Variants in TMEM53 observed in about 807,000 individuals in gnomAD.
TMEM53 encodes the protein novel DUF829 domain-containing protein.
A neutral mutation model predicts 21.4 loss-of-function variants in TMEM53; 14 were observed. The observed-to-expected ratio is 0.65, with a 90% CI of 0.43 to 1.02. The LOEUF is 1.02. Ranked by LOEUF, TMEM53 falls within the 50% of genes least tolerant of loss-of-function variation. TMEM53 has a pLI of 0.00. For missense variants in TMEM53, 323 were observed against 383.6 expected, an observed-to-expected ratio of 0.84 and a Z score of 1.32; for synonymous variants, 148 against 157.4, an observed-to-expected ratio of 0.94 and a Z score of 0.45.
Position 44,654,851 on chromosome 1 carries a change from A to G in TMEM53, c.542T>C (p.Val181Ala), listed in dbSNP as rs1306013607. 1.2e-6 allele frequency: 2 copies of G among 1,612,906 alleles called. No homozygotes were observed. Among genetic ancestry groups the G allele is most frequent in the Admixed American group, 3.3e-5 (2 of 60,006 alleles). Residue 181 changes from valine (V) to alanine (A), a missense_variant, in exon 3 of 3, where the codon GTC becomes GCC. Physicochemically the swap from Val to Ala is moderately conservative, Grantham distance 64 (BLOSUM62 0). This residue lies in a region of TMEM53 where 269 missense variants were observed against 334.5 expected (regional missense o/e 0.80). Transcript: ENST00000372237. The surrounding 1 kb of genome is among the most constrained non-coding windows in gnomAD (Gnocchi z 7.0). ...AGCAAGCAGGACGTGGAACAGGACG[A>G]CCACCAGGGCAAAGGCCACCAGCAG... The part of the protein sequence containing the change: ...LLLLVAFALV[V>A]VLFHVLLAPI...
At chr1:44,669,700 C>G (rs1314765344) in intron 1 of TMEM53, among the ~76,000 whole-genome samples, 1 of 151,876 alleles carries the variant, frequency 6.6e-6, no homozygotes, top group Non-Finnish European at 1.5e-5. Context: ...CACAGACATT[C>G]AGAGAAAAGG....
rs1573214349 is a variant in TMEM53 at position 44,654,357 on chromosome 1, G to C, written c.*202C>G. Reference sequence around the variant, plus strand: ...CACAGACACATGCCCAGGCACTCCTGCCCCTTAGGATTCTGTGGTAAGCAG... The same window carrying C: ...CACAGACACATGCCCAGGCACTCCTCCCCCTTAGGATTCTGTGGTAAGCAG... On this transcript the variant is annotated 3_prime_UTR_variant, in exon 3 of 3. Coordinates refer to ENST00000372237, the MANE Select transcript of TMEM53 (RefSeq NM_024587.4). This position sits in a 1 kb window ranked among gnomAD's most constrained non-coding sequence, Gnocchi z 7.0. 24 of 603,444 alleles carry C rather than the reference G, an allele frequency of 4.0e-5. No homozygotes were observed. In the East Asian group the frequency reaches 6.5e-4, roughly 16 times the overall value. The allele number at this position is 603,444 out of a possible 1,614,324, so 37.4% of individuals were successfully genotyped here.
chr1:44,657,230 A>C (rs894352581), intron 2 of TMEM53, among the ~76,000 whole-genome samples: 1 of 152,110 alleles, frequency 6.6e-6, no homozygotes, highest in Non-Finnish European at 1.5e-5. Context: ...TCTGGATTTA[A>C]AAGAGCCTTA....
At chr1:44,666,391 A>G (rs1052369569) in intron 1 of TMEM53, among the ~76,000 whole-genome samples, 1 of 152,210 alleles carries the variant, frequency 6.6e-6, no homozygotes, top group Non-Finnish European at 1.5e-5. Context: ...CATCCAGGAG[A>G]GCTAAAAATA....
chr1:44,674,129 C>T lies in TMEM53; in HGVS notation c.61+202G>A, dbSNP rs1299508023. On this transcript the variant is annotated intron_variant, in intron 1 of 2. Transcript: ENST00000372237. ...AGCTGACTCGGGCAGAGGCGGGGCT[C>T]GCCAGGGAGGAACACTCTGGGGCGG... The T allele has an allele frequency of 9.1e-6, 9 of 985,198 alleles. No homozygotes were observed. In the South Asian group the frequency reaches 2.3e-4, roughly 26 times the overall value. The allele number at this position is 985,198 out of a possible 1,614,324, so 61.0% of individuals were successfully genotyped here.
chr1:44,653,503 C>G lies in TMEM53; in HGVS notation c.*1056G>C, dbSNP rs1644819040. The stretch of plus-strand genomic sequence containing the variant: ...TTACAATGCTGCTGCCTTCCTGCCC[C>G]CCACTGTCTCTGGCAACTTTCAGCT... On this transcript the variant is annotated 3_prime_UTR_variant, in exon 3 of 3. Coordinates refer to ENST00000372237, the MANE Select transcript of TMEM53 (RefSeq NM_024587.4). The G allele has an allele frequency of 1.3e-5, 2 of 152,288 alleles. No homozygotes were observed. Among genetic ancestry groups the G allele is most frequent in the South Asian group, 4.1e-4 (2 of 4,832 alleles). The allele number at this position is 152,288 out of a possible 1,614,324, so 9.4% of individuals were successfully genotyped here.
chr1:44,667,006 G>T (rs1257683868), intron 1 of TMEM53, among the ~76,000 whole-genome samples: 3 of 151,886 alleles, frequency 2.0e-5, no homozygotes, highest in African/African-American at 7.3e-5. Context: ...ACCACACCTG[G>T]CTAATTTTTT....
chr1:44,655,058 A>T lies in TMEM53; in HGVS notation c.335T>A (p.Phe112Tyr). Residue 112 changes from phenylalanine to tyrosine, a missense_variant, in exon 3 of 3, where the codon TTC becomes TAC. Transcript: ENST00000372237. The surrounding 1 kb of genome is among the most constrained non-coding windows in gnomAD (Gnocchi z 4.4). The stretch of plus-strand genomic sequence containing the variant: ...GTACAGCATGACGCCACCGTTGCTG[A>T]AGACATGGAAGAGCAGGGGCTCCTT... ...IEKEPLLFHVFSNGGVMLYRY... is the reference protein window; with the variant it reads ...IEKEPLLFHVYSNGGVMLYRY... 1 of 1,614,214 alleles carries T rather than the reference A, an allele frequency of 6.2e-7. No individual in the cohort carries two copies. The highest frequency in any genetic ancestry group is 2.2e-5 in the East Asian group (1 of 44,884).
chr1:44,671,110 G>A (rs1408625525), intron 1 of TMEM53, among the ~76,000 whole-genome samples: 1 of 152,230 alleles, frequency 6.6e-6, no homozygotes, highest in Non-Finnish European at 1.5e-5. Context: ...AGTGCTTATG[G>A]GAGCCCCAGG....
In TMEM53 at chr1:44,660,309, G is replaced by A; in HGVS notation, c.62-14C>T. On this transcript the variant is annotated splice_polypyrimidine_tract_variant and intron_variant, in intron 1 of 2. Coordinates refer to ENST00000372237, the MANE Select transcript of TMEM53 (RefSeq NM_024587.4). ...TGGGGCTGTTCTCTGAAACACAGAT[G>A]TGGACTGTCAACACCAGAGCTGGGG... The A allele has an allele frequency of 1.2e-6, 2 of 1,610,926 alleles. No individual in the cohort carries two copies. Among genetic ancestry groups the A allele is most frequent in the Non-Finnish European group, 1.7e-6 (2 of 1,178,834 alleles).
chr1:44,654,903 G>A lies in TMEM53; in HGVS notation c.490C>T (p.Arg164Cys), dbSNP rs963145080. 1.2e-5 allele frequency: 19 copies of A among 1,612,436 alleles called. No individual in the cohort carries two copies. Among genetic ancestry groups the A allele is most frequent in the Middle Eastern group, 3.3e-4 (2 of 6,080 alleles). Residue 164 changes from arginine (R) to cysteine (C), a missense_variant, in exon 3 of 3, where the codon CGC becomes TGC. Arg to Cys is a radical substitution (Grantham distance 180). Transcript: ENST00000372237. The surrounding 1 kb of genome is among the most constrained non-coding windows in gnomAD (Gnocchi z 7.0). ...ALRALAAILE[R>C]RAAMLRLLLL... ...AACAGGCGCAGCATGGCGGCCCGGC[G>A]CTCCAGGATGGCTGCCAGGGCCCGC...
intron 1 of TMEM53, chr1:44,674,117 A>G (rs1228220890): frequency 1.0e-6 from 1 of 985,308 alleles, no homozygotes; most frequent in East Asian, 1.1e-4. Context: ...TGACTCGGGC[A>G]GAGGCGGGGC....
At position 44,654,480 on chromosome 1, in the gene TMEM53, A is replaced by T; in HGVS notation, c.*79T>A. The T allele has an allele frequency of 4.0e-6, 6 of 1,511,058 alleles. No individual in the cohort carries two copies. The South Asian group carries it at 7.5e-5, about 19-fold the overall frequency. The allele number at this position is 1,511,058 out of a possible 1,614,324, so 93.6% of individuals were successfully genotyped here. On this transcript the variant is annotated 3_prime_UTR_variant, in exon 3 of 3. Coordinates refer to ENST00000372237, the MANE Select transcript of TMEM53 (RefSeq NM_024587.4). The surrounding 1 kb of genome is among the most constrained non-coding windows in gnomAD (Gnocchi z 7.0). ...AAGGGCTACAGGGAGTTGAACGAGA[A>T]GAGTGCCCGACAGATTGCAGGTTGT...
intron 2 of TMEM53, among the ~76,000 whole-genome samples, chr1:44,658,627 T>C (rs1644871080): frequency 6.6e-6 from 1 of 152,164 alleles, no homozygotes; most frequent in Non-Finnish European, 1.5e-5. Flanking sequence ...TTCGGCTCAC[T>C]GCAACCTCCA....
At position 44,654,375 on chromosome 1, in the gene TMEM53, G is replaced by T; in HGVS notation, c.*184C>A. 1.5e-6 allele frequency: 1 copy of T among 661,570 alleles called. No individual in the cohort carries two copies. The highest frequency in any genetic ancestry group is 2.5e-6 in the Non-Finnish European group (1 of 392,670). The allele number at this position is 661,570 out of a possible 1,614,324, so 41.0% of individuals were successfully genotyped here. ...CACTCCTGCCCCTTAGGATTCTGTG[G>T]TAAGCAGACCACCAGCAGACAGAGG... On this transcript the variant is annotated 3_prime_UTR_variant, in exon 3 of 3. Transcript: ENST00000372237. The surrounding 1 kb of genome is among the most constrained non-coding windows in gnomAD (Gnocchi z 7.0).
intron 1 of TMEM53, among the ~76,000 whole-genome samples, chr1:44,667,563 C>G (rs533960091): frequency 6.6e-6 from 1 of 151,986 alleles, no homozygotes; most frequent in East Asian, 1.9e-4. Flanking sequence ...CCACCTCGGC[C>G]TCCCAAAGTG....
rs1024913274 is a variant in TMEM53 at position 44,655,912 on chromosome 1, A to G, written c.184-703T>C. ...TCTGCCCTGAAATTCCAAATACAGT[A>G]AACACTTGTTCCTCGAATTCTATAA... is the stretch of plus-strand genomic sequence containing the variant. On this transcript the variant is annotated intron_variant, in intron 2 of 2. Transcript: ENST00000372237. This position sits in a 1 kb window ranked among gnomAD's most constrained non-coding sequence, Gnocchi z 4.4. Among the ~76,000 whole-genome samples the G allele has an allele frequency of 3.9e-5, 6 of 152,188 alleles. No individual in the cohort carries two copies. Among genetic ancestry groups the G allele is most frequent in the Non-Finnish European group, 5.9e-5 (4 of 68,030 alleles).
chr1:44,658,944 G>T (rs1644874458), intron 2 of TMEM53, among the ~76,000 whole-genome samples: 1 of 152,104 alleles, frequency 6.6e-6, no homozygotes, highest in Non-Finnish European at 1.5e-5. Flanking sequence ...CCGGGTACCT[G>T]TCCCTTCATT....
intron 2 of TMEM53, among the ~76,000 whole-genome samples, chr1:44,657,719 T>A (rs1447538502): frequency 6.6e-6 from 1 of 152,098 alleles, no homozygotes; most frequent in Non-Finnish European, 1.5e-5. Context: ...TTCAATTTTT[T>A]TTGTGGAGAT....
Sources: gnomAD v4.1 joint callset for allele counts (sites outside exome capture counted in the v4.1 genomes callset) on GRCh38, gnomAD v4.1.1 for gene constraint, gnomAD v4.1.1 regional missense constraint, Gnocchi (gnomAD v3.1) non-coding constraint, MANE v1.5 for transcripts, NCBI Gene and HGNC (gene_info 2026-07-23, HGNC 2026-07-21) for gene names.